SWT1: variants seen among roughly 807,000 people sequenced by gnomAD.
SWT1 encodes SWT1 RNA endoribonuclease homolog.
SWT1 carries 33 observed loss-of-function variants against 107.3 expected under a neutral mutation model. The ratio of observed to expected loss-of-function variants is 0.31; its 90% CI spans 0.23 to 0.41. The LOEUF is 0.41. SWT1 is among the 10% of genes least tolerant of loss of function. The pLI is 1.00. For synonymous variants in SWT1, 345 were observed against 348.3 expected (o/e 0.99, Z 0.11); for missense variants, 898 against 1,028.9 (o/e 0.87, Z 1.74).
intron 16 of SWT1, among the ~76,000 whole-genome samples, chr1:185,239,626 T>A (rs1359665568): frequency 6.6e-6 from 1 of 152,126 alleles, no homozygotes; most frequent in Admixed American, 6.6e-5. Flanking sequence ...TTCTTTTATA[T>A]GTATACAGGA....
rs555677850 is a variant in SWT1, at chr1:185,236,356, G to T, written c.2441+4648G>T. Among the ~76,000 whole-genome samples the T allele has an allele frequency of 2.0e-4, 31 of 152,250 alleles. 1 individual carries two copies. In the South Asian group the frequency reaches 6.4e-3, roughly 32 times the overall value. Reference sequence around the variant, plus strand: ...ACAGTAACAAAAACAGCATGGTACTGGTACCAAAACAGAGACATAGACCAA... The same window carrying T: ...ACAGTAACAAAAACAGCATGGTACTTGTACCAAAACAGAGACATAGACCAA... On this transcript the variant is annotated intron_variant, in intron 16 of 18. Transcript: ENST00000367500.
chr1:185,207,975 C>T (rs1397983756), intron 13 of SWT1, among the ~76,000 whole-genome samples: 2 of 152,074 alleles, frequency 1.3e-5, no homozygotes, highest in African/African-American at 4.8e-5. Context: ...TTGCTTTTTT[C>T]AAACTCCTCA....
rs74850292 is a variant in SWT1 at position 185,229,076 on chromosome 1, G to T, written c.2310-2501G>T. 5.8e-3 allele frequency among the ~76,000 whole-genome samples: 885 copies of T among 152,222 alleles called. 32 individuals are homozygous for T. In the East Asian group the frequency reaches 0.094, roughly 16 times the overall value. ...ACAGCACAATTTTAAGCAAAGAAATGACAAGATCAGGCCTGCGTTTTAAAA... is the reference window on the plus strand; with the variant it reads ...ACAGCACAATTTTAAGCAAAGAAATTACAAGATCAGGCCTGCGTTTTAAAA... On this transcript the variant is annotated intron_variant, in intron 15 of 18. Coordinates refer to ENST00000367500, the MANE Select transcript of SWT1 (RefSeq NM_017673.7).
chr1:185,160,993 C>A, intron 2 of SWT1, 68 bp downstream of exon 2: 1 of 1,090,322 alleles, frequency 9.2e-7, no homozygotes, highest in Non-Finnish European at 1.4e-6. Flanking sequence ...AAAAAATACA[C>A]CTTACTATTA....
chr1:185,173,187 T>G (rs1655233712), intron 4 of SWT1, among the ~76,000 whole-genome samples: 1 of 152,174 alleles, frequency 6.6e-6, no homozygotes, highest in Admixed American at 6.5e-5. Flanking sequence ...TTCTAGAATC[T>G]TAGTAGTTTT....
chr1:185,180,379 C>T lies in SWT1; in HGVS notation c.967-12C>T. On this transcript the variant is annotated splice_polypyrimidine_tract_variant and intron_variant, in intron 5 of 18. Coordinates refer to ENST00000367500, the MANE Select transcript of SWT1 (RefSeq NM_017673.7). ...GCTTTATTCTTAGCTAATGAAATTA[C>T]TTTCATTTCAGAGTTTTGAAGCACC... 1 of 1,601,674 alleles carries T rather than the reference C, an allele frequency of 6.2e-7. No individual in the cohort carries two copies. The highest frequency in any genetic ancestry group is 1.1e-5 in the South Asian group (1 of 90,800).
At position 185,291,552 on chromosome 1, in the gene SWT1, T is replaced by C. The variant is rs185593679; in HGVS notation, c.*749T>C. The C allele has an allele frequency of 6.5e-6, 1 of 152,774 alleles. No individual in the cohort carries two copies. The highest frequency in any genetic ancestry group is 1.5e-5 in the Non-Finnish European group (1 of 68,038). The allele number at this position is 152,774 out of a possible 1,614,324, so 9.5% of individuals were successfully genotyped here. ...CTAAAACCAACTGTTTAGTTGACTT[T>C]TTAGTTATAGGATAAGTTGGAAGTC... On this transcript the variant is annotated 3_prime_UTR_variant, in exon 19 of 19. Coordinates refer to ENST00000367500, the MANE Select transcript of SWT1 (RefSeq NM_017673.7).
chr1:185,285,830 A>C (rs1444679459), intron 18 of SWT1, among the ~76,000 whole-genome samples: 1 of 152,176 alleles, frequency 6.6e-6, no homozygotes, highest in Non-Finnish European at 1.5e-5. Flanking sequence ...TCTCCATTGA[A>C]TGGTCTTAGC....
chr1:185,227,698 CA>C, intron 15 of SWT1: 1 of 576,950 alleles, frequency 1.7e-6, no homozygotes, highest in Non-Finnish European at 3.2e-6. Context: ...TAACAAACCC[CA>C]TCCTGCAGAA....
intron 18 of SWT1, among the ~76,000 whole-genome samples, chr1:185,279,229 G>A (rs139829352): frequency 1.1e-3 from 168 of 152,180 alleles, no homozygotes; most frequent in African/African-American, 3.5e-3. Flanking sequence ...AACCTTAGCC[G>A]TATTTTTTAG....
At chr1:185,194,643 GTTGA>G (rs1449102675) in intron 10 of SWT1, among the ~76,000 whole-genome samples, 1 of 151,080 alleles carries the variant, frequency 6.6e-6, no homozygotes, top group Non-Finnish European at 1.5e-5. Flanking sequence ...CTTCAAGTTT[GTTGA>G]TTCTTTCCTT....
chr1:185,245,295 T>C (rs1429137533), intron 16 of SWT1, among the ~76,000 whole-genome samples: 1 of 152,070 alleles, frequency 6.6e-6, no homozygotes, highest in African/African-American at 2.4e-5. Context: ...AACATACACA[T>C]TACCCTAGGC....
At chr1:185,248,911 G>A (rs1167507897) in intron 16 of SWT1, among the ~76,000 whole-genome samples, 1 of 151,910 alleles carries the variant, frequency 6.6e-6, no homozygotes, top group Non-Finnish European at 1.5e-5. Context: ...TTACTCTCAT[G>A]TTCTGGTATC....
chr1:185,250,793 G>A (rs1661955821), intron 16 of SWT1, among the ~76,000 whole-genome samples: 1 of 152,064 alleles, frequency 6.6e-6, no homozygotes, highest in African/African-American at 2.4e-5. Context: ...CTCCCAAGTA[G>A]CTGGGACTAC....
intron 10 of SWT1, among the ~76,000 whole-genome samples, chr1:185,200,029 A>G (rs1044048949): frequency 6.6e-6 from 1 of 150,664 alleles, no homozygotes; most frequent in African/African-American, 2.4e-5. Context: ...CTTCCGCTTG[A>G]TCGGTTTGGC....
intron 4 of SWT1, among the ~76,000 whole-genome samples, chr1:185,169,221 T>C (rs1445559629): frequency 6.6e-6 from 1 of 152,176 alleles, no homozygotes; most frequent in Non-Finnish European, 1.5e-5. Context: ...TTTCATATTA[T>C]GTTGACTATC....
intron 2 of SWT1, among the ~76,000 whole-genome samples, chr1:185,164,905 CTTAA>C (rs1488433403): frequency 6.6e-6 from 1 of 152,164 alleles, no homozygotes; most frequent in Non-Finnish European, 1.5e-5. Context: ...CATAACTTGT[CTTAA>C]TTGTTTGGCA....
intron 2 of SWT1, among the ~76,000 whole-genome samples, 178 bp from the exon 3 acceptor site, chr1:185,166,394 C>T (rs1008255777): frequency 7.2e-5 from 11 of 152,182 alleles, no homozygotes; most frequent in Admixed American, 3.9e-4. Context: ...GGGGTTCTGG[C>T]TTCTAGTTGA....
chr1:185,207,852 G>A (rs936094227), intron 13 of SWT1, among the ~76,000 whole-genome samples: 4 of 152,186 alleles, frequency 2.6e-5, no homozygotes, highest in African/African-American at 7.2e-5. Flanking sequence ...AGTGAGCCAA[G>A]ATGGTGCCAC....
Sources: gnomAD v4.1 joint callset for allele counts (sites outside exome capture counted in the v4.1 genomes callset) on GRCh38, gnomAD v4.1.1 for gene constraint, MANE v1.5 for transcripts, NCBI Gene and HGNC (gene_info 2026-07-23, HGNC 2026-07-21) for gene names.